Variants in PRKCH observed in about 807,000 individuals in gnomAD.
PRKCH encodes the protein protein kinase C eta.
Under a neutral mutation model 82.5 loss-of-function variants are expected in PRKCH, and 28 were observed. That is an observed-to-expected ratio of 0.34 (90% CI 0.25 to 0.47). The LOEUF is 0.47. Ranked by LOEUF, PRKCH falls within the 20% of genes least tolerant of loss-of-function variation. The pLI is 1.00. For missense variants in PRKCH, 705 were observed against 881.8 expected (o/e 0.80, Z 2.54); for synonymous variants, 322 against 327.4 (o/e 0.98, Z 0.18).
At chr14:61,296,496 T>A (rs2045407034) in intron 1 of PRKCH, among the ~76,000 whole-genome samples, 1 of 152,190 alleles carries the variant, frequency 6.6e-6, no homozygotes, top group Admixed American at 6.5e-5. Flanking sequence ...ACGGGGTGCA[T>A]CTTTCCAAAA....
At chr14:61,353,556 G>A (rs2046109625) in intron 1 of PRKCH, 1 of 152,136 alleles carries the variant, frequency 6.6e-6, no homozygotes, top group South Asian at 2.1e-4. Flanking sequence ...ATAAAAATAA[G>A]GCCCTTGGAG....
chr14:61,344,134 G>A (rs1157714155), intron 1 of PRKCH: 1 of 152,230 alleles, frequency 6.6e-6, no homozygotes, highest in Non-Finnish European at 1.5e-5. Context: ...TCAGGTCAGT[G>A]ATGAGTCCAA....
At chr14:61,395,139 G>A (rs933603937) in intron 2 of PRKCH, among the ~76,000 whole-genome samples, 15 of 152,128 alleles carry the variant, frequency 9.9e-5, no homozygotes, top group African/African-American at 3.6e-4. Context: ...TGTTCTCTGT[G>A]TCTCTGTGCG....
At chr14:61,285,501 G>T (rs1300072157) in intron 1 of PRKCH, among the ~76,000 whole-genome samples, 1 of 152,166 alleles carries the variant, frequency 6.6e-6, no homozygotes, top group Non-Finnish European at 1.5e-5. Context: ...CAAAATGATT[G>T]TTAGTGTGTC....
At chr14:61,190,238 C>A (rs1431514729) in intron 1 of PRKCH, among the ~76,000 whole-genome samples, 1 of 152,170 alleles carries the variant, frequency 6.6e-6, no homozygotes, top group Non-Finnish European at 1.5e-5. Flanking sequence ...CTCATCCTCA[C>A]CACCCACCTC....
At chr14:61,358,797 G>T (rs991180242) in intron 1 of PRKCH, among the ~76,000 whole-genome samples, 10 of 152,112 alleles carry the variant, frequency 6.6e-5, no homozygotes, top group Non-Finnish European at 1.3e-4. Context: ...CAGTCTTGCT[G>T]TGTTCCCTGT....
chr14:61,342,392 T>C (rs1176783608), intron 1 of PRKCH, among the ~76,000 whole-genome samples: 1 of 152,220 alleles, frequency 6.6e-6, no homozygotes, highest in Admixed American at 6.5e-5. Flanking sequence ...GAGCAGCTGC[T>C]TAAAGATTTG....
chr14:61,380,372 G>A (rs2046487113), intron 1 of PRKCH, among the ~76,000 whole-genome samples: 1 of 152,138 alleles, frequency 6.6e-6, no homozygotes, highest in Admixed American at 6.5e-5. Context: ...GATTTCAGGT[G>A]TGAGCCACTG....
intron 9 of PRKCH, among the ~76,000 whole-genome samples, chr14:61,459,504 C>T (rs1405886675): frequency 2.0e-5 from 3 of 152,140 alleles, no homozygotes; most frequent in Non-Finnish European, 4.4e-5. Flanking sequence ...CCGAGGTGGG[C>T]CAGGGCCAGG....
At chr14:61,458,774 AG>A (rs1339649158) in intron 9 of PRKCH, among the ~76,000 whole-genome samples, 1 of 152,062 alleles carries the variant, frequency 6.6e-6, no homozygotes, top group African/African-American at 2.4e-5. Flanking sequence ...GAGAGAGTGA[AG>A]GGGGAAAAGC....
In PRKCH at chr14:61,457,589, T is replaced by C; in HGVS notation, c.1188T>C (p.Asp396=). The change falls in exon 9 of 14, where the codon GAT becomes GAC. Residue 396 remains aspartate, a synonymous_variant. Coordinates refer to ENST00000332981, the MANE Select transcript of PRKCH (RefSeq NM_006255.5). ...AGGACGTGATTCTGCAGGATGATGA[T>C]GTGGAATGCACCATGACCGAGAAAA... The part of the protein sequence containing the change: ...LKKDVILQDD[D]VECTMTEKRI... 1 of 1,614,168 alleles carries C rather than the reference T, an allele frequency of 6.2e-7. No homozygotes were observed. Among genetic ancestry groups the C allele is most frequent in the Non-Finnish European group, 8.5e-7 (1 of 1,180,030 alleles).
intron 2 of PRKCH, among the ~76,000 whole-genome samples, chr14:61,395,697 C>A (rs965350896): frequency 4.6e-5 from 7 of 152,100 alleles, no homozygotes; most frequent in African/African-American, 1.4e-4. Context: ...TTTCCATGTT[C>A]CTATTGTCAC....
chr14:61,188,611 GGTGTGTGTGT>G (rs1170634010), intron 1 of PRKCH, among the ~76,000 whole-genome samples: 1,645 of 50,540 alleles, frequency 0.033, 145 homozygotes, highest in African/African-American at 0.11. Flanking sequence ...GGGGTGGTGT[GGTGTGTGTGT>G]GTGTGTGTGT....
chr14:61,386,551 A>C (rs73314604), intron 1 of PRKCH, among the ~76,000 whole-genome samples: 10 of 152,268 alleles, frequency 6.6e-5, no homozygotes, highest in African/African-American at 2.4e-4. Flanking sequence ...GGCGTGGCCT[A>C]CTGGGTAAAT....
At chr14:61,266,071 G>A (rs1348279929) in intron 1 of PRKCH, among the ~76,000 whole-genome samples, 1 of 151,872 alleles carries the variant, frequency 6.6e-6, no homozygotes, top group Non-Finnish European at 1.5e-5. Flanking sequence ...TGTGAAAAGG[G>A]ATTCTTTAAG....
chr14:61,411,709 G>C (rs185690741), intron 2 of PRKCH, among the ~76,000 whole-genome samples: 2 of 152,296 alleles, frequency 1.3e-5, no homozygotes, highest in African/African-American at 4.8e-5. Flanking sequence ...AGTCCAGAGA[G>C]ACTAAGGCCA....
chr14:61,390,895 T>C (rs760495079), intron 1 of PRKCH: 7 of 210,922 alleles, frequency 3.3e-5, no homozygotes, highest in Admixed American at 6.1e-5. Flanking sequence ...AGTAAAATGC[T>C]GCTCTTATAA....
At chr14:61,538,760 T>C (rs974861448) in intron 12 of PRKCH, among the ~76,000 whole-genome samples, 11 of 152,208 alleles carry the variant, frequency 7.2e-5, no homozygotes, top group Non-Finnish European at 1.6e-4. Flanking sequence ...TTGTTTTTTG[T>C]TTGTTTGTCC....
intron 1 of PRKCH, among the ~76,000 whole-genome samples, chr14:61,237,445 C>A (rs762530068): frequency 2.6e-5 from 4 of 152,178 alleles, no homozygotes; most frequent in Admixed American, 6.5e-5. Context: ...AGGTCTTCAT[C>A]CTGATCGAGG....
Sources: gnomAD v4.1 joint callset for allele counts (sites outside exome capture counted in the v4.1 genomes callset) on GRCh38, gnomAD v4.1.1 for gene constraint, MANE v1.5 for transcripts, NCBI Gene and HGNC (gene_info 2026-07-23, HGNC 2026-07-21) for gene names.